Variants in IQCK observed in about 807,000 individuals in gnomAD.
IQCK encodes IQ domain-containing protein K.
Under a neutral mutation model 28.1 loss-of-function variants are expected in IQCK, and 29 were observed. That is an observed-to-expected ratio of 1.03 (90% CI 0.77 to 1.41). The LOEUF is 1.41. Ranked by LOEUF, IQCK falls within the 40% of genes most tolerant of loss-of-function variation. The pLI, the probability that IQCK is intolerant of heterozygous loss-of-function variation, is 0.00. For missense variants in IQCK, 359 were observed against 314.7 expected (o/e 1.14, Z -1.07); for synonymous variants, 113 against 115.1 (o/e 0.98, Z 0.12).
intron 1 of IQCK, among the ~76,000 whole-genome samples, chr16:19,726,288 A>G (rs895822645): frequency 6.6e-6 from 1 of 152,104 alleles, no homozygotes; most frequent in East Asian, 1.9e-4. Context: ...GTAAAATACC[A>G]TTTTTTTCTT....
At chr16:19,765,920 A>G (rs1426438634) in intron 6 of IQCK, 1 of 152,244 alleles carries the variant, frequency 6.6e-6, no homozygotes, top group African/African-American at 2.4e-5. Flanking sequence ...TAAAAATAAG[A>G]TAACTTCTCT....
At chr16:19,731,758 C>T (rs1268145835) in intron 2 of IQCK, among the ~76,000 whole-genome samples, 1 of 152,180 alleles carries the variant, frequency 6.6e-6, no homozygotes, top group East Asian at 1.9e-4. Flanking sequence ...GTAATTGGCT[C>T]ACACGATTAC....
chr16:19,720,150 G>A (rs946216590), intron 1 of IQCK, among the ~76,000 whole-genome samples: 1 of 152,194 alleles, frequency 6.6e-6, no homozygotes, highest in African/African-American at 2.4e-5. Flanking sequence ...TCAGTTGATA[G>A]ATGCCCTCCA....
intron 4 of IQCK, among the ~76,000 whole-genome samples, chr16:19,745,782 A>G (rs775775716): frequency 1.3e-5 from 2 of 152,068 alleles, no homozygotes; most frequent in African/African-American, 4.8e-5. Context: ...TCAGCTGGTA[A>G]CTGGGCTGGG....
intron 9 of IQCK, among the ~76,000 whole-genome samples, chr16:19,840,660 A>T (rs554142480): frequency 6.6e-6 from 1 of 152,332 alleles, no homozygotes; most frequent in African/African-American, 2.4e-5. Context: ...AGTTACTGCT[A>T]TGGTCTCCAT....
At chr16:19,846,252 T>C (rs1318814443) in intron 9 of IQCK, among the ~76,000 whole-genome samples, 5 of 152,088 alleles carry the variant, frequency 3.3e-5, no homozygotes, top group Non-Finnish European at 7.4e-5. Flanking sequence ...TGGTAAATGG[T>C]GGTAGGATTC....
At chr16:19,722,110 C>G (rs893686082) in intron 1 of IQCK, among the ~76,000 whole-genome samples, 5 of 152,120 alleles carry the variant, frequency 3.3e-5, no homozygotes, top group Non-Finnish European at 5.9e-5. Flanking sequence ...TGGCTCTCAG[C>G]ACTGCTCAGC....
chr16:19,854,285 CT>C (rs760445630), intron 9 of IQCK, among the ~76,000 whole-genome samples: 16 of 152,234 alleles, frequency 1.1e-4, no homozygotes, highest in African/African-American at 2.7e-4. Flanking sequence ...ACCTGGAGGC[CT>C]TGTTAAACTG....
chr16:19,765,641 A>G (rs1438027513), intron 6 of IQCK, among the ~76,000 whole-genome samples: 3 of 152,188 alleles, frequency 2.0e-5, no homozygotes, highest in Non-Finnish European at 4.4e-5. Flanking sequence ...GACTCTGGCA[A>G]TTTTGAGAAT....
At chr16:19,736,996 AAAAAAG>A (rs1208587667) in intron 4 of IQCK, among the ~76,000 whole-genome samples, 24 of 151,688 alleles carry the variant, frequency 1.6e-4, no homozygotes, top group African/African-American at 5.6e-4. Context: ...AAAAAAAAAA[AAAAAAG>A]AAAAAGAAAA....
intron 4 of IQCK, chr16:19,736,312 G>A: frequency 2.6e-6 from 1 of 378,538 alleles, no homozygotes; most frequent in Non-Finnish European, 5.2e-6. Context: ...TTTCAGGCTG[G>A]GGTGCAGTGG....
At chr16:19,734,509 A>ACC (rs1436673776) in intron 3 of IQCK, among the ~76,000 whole-genome samples, 2 of 150,262 alleles carry the variant, frequency 1.3e-5, no homozygotes, top group African/African-American at 4.9e-5. Context: ...CACACTGATA[A>ACC]CCCTAGCTAC....
chr16:19,851,587 C>CT (rs2056482757), intron 9 of IQCK, among the ~76,000 whole-genome samples: 1 of 152,180 alleles, frequency 6.6e-6, no homozygotes, highest in African/African-American at 2.4e-5. Context: ...AGAAGATGTA[C>CT]TGAGTCTTAT....
At chr16:19,721,465 G>A (rs1046778293) in intron 1 of IQCK, among the ~76,000 whole-genome samples, 3 of 152,106 alleles carry the variant, frequency 2.0e-5, no homozygotes, top group South Asian at 2.1e-4. Flanking sequence ...AAAAGCACTC[G>A]TGTTAGTGTC....
At chr16:19,745,736 T>C (rs1370448554) in intron 4 of IQCK, among the ~76,000 whole-genome samples, 4 of 152,218 alleles carry the variant, frequency 2.6e-5, no homozygotes, top group Non-Finnish European at 5.9e-5. Flanking sequence ...TGGGCAGTTC[T>C]GGTGCTCTCT....
chr16:19,846,787 G>A (rs1208913875), intron 9 of IQCK, among the ~76,000 whole-genome samples: 9 of 151,940 alleles, frequency 5.9e-5, no homozygotes. Context: ...TCCACAATTT[G>A]TTCTTCTAGT....
At chr16:19,731,597 C>T (rs1279577144) in intron 2 of IQCK, among the ~76,000 whole-genome samples, 1 of 152,166 alleles carries the variant, frequency 6.6e-6, no homozygotes, top group African/African-American at 2.4e-5. Flanking sequence ...TGTTGATCTT[C>T]GTCTCTTGTG....
intron 3 of IQCK, 147 bp downstream of exon 3, chr16:19,733,974 C>A: frequency 1.5e-6 from 1 of 675,312 alleles, no homozygotes. Flanking sequence ...AGAGACATGT[C>A]CTTTATTTCA....
At chr16:19,858,337 C>T (rs890946000) in exon 10 of IQCK, 1 of 442,036 alleles carries the variant, frequency 2.3e-6, no homozygotes, top group Non-Finnish European at 4.0e-6. Flanking sequence ...GGAAAAAGGT[C>T]TCATTAAATG....
Sources: gnomAD v4.1 joint callset for allele counts (sites outside exome capture counted in the v4.1 genomes callset) on GRCh38, gnomAD v4.1.1 for gene constraint, MANE v1.5 for transcripts, NCBI Gene and HGNC (gene_info 2026-07-23, HGNC 2026-07-21) for gene names.